ROBO2: variants seen among roughly 807,000 people sequenced by gnomAD.
ROBO2 encodes the protein roundabout guidance receptor 2.
In ROBO2, 53 loss-of-function variants were observed where a neutral mutation model predicts 160.8. The ratio of observed to expected loss-of-function variants is 0.33; its 90% CI spans 0.26 to 0.41. The LOEUF (loss-of-function observed/expected upper bound fraction) is 0.41. ROBO2 is among the 10% of genes least tolerant of loss of function. The probability of loss-of-function intolerance (pLI) is 1.00; values close to 1 mark genes in which losing one functional copy is unlikely to be tolerated. For synonymous variants in ROBO2, 664 were observed against 611.7 expected (o/e 1.09, Z -1.26); for missense variants, 1,577 against 1,722.4 (o/e 0.92, Z 1.49).
At chr3:76,706,935 C>G (rs1015962668) in intron 2 of ROBO2, among the ~76,000 whole-genome samples, 1 of 151,932 alleles carries the variant, frequency 6.6e-6, no homozygotes, top group Non-Finnish European at 1.5e-5. Context: ...GAACAGATGT[C>G]TATGGGAGAA....
intron 2 of ROBO2, among the ~76,000 whole-genome samples, chr3:76,012,046 G>T (rs1033588926): frequency 1.3e-5 from 2 of 152,136 alleles, no homozygotes; most frequent in Admixed American, 1.3e-4. Flanking sequence ...CTAATTAGTA[G>T]CAATACAAAC....
intron 2 of ROBO2, among the ~76,000 whole-genome samples, chr3:77,442,327 A>AG (rs1218098887): frequency 6.6e-6 from 1 of 152,066 alleles, no homozygotes; most frequent in African/African-American, 2.4e-5. Context: ...AGAAAAAAAA[A>AG]AAAATTACAT....
intron 2 of ROBO2, among the ~76,000 whole-genome samples, chr3:76,250,284 TA>T (rs1705908150): frequency 6.6e-6 from 1 of 152,104 alleles, no homozygotes; most frequent in African/African-American, 2.4e-5. Flanking sequence ...AATAATAGTT[TA>T]CTGAGATTAC....
At chr3:77,051,017 CAAAA>C (rs5850308) in intron 1 of ROBO2, among the ~76,000 whole-genome samples, 1 of 133,260 alleles carries the variant, frequency 7.5e-6, no homozygotes. Context: ...GACCCTGTCT[CAAAA>C]AAAAAAAAAA....
At chr3:76,785,734 C>CCACT (rs1261311687) in intron 2 of ROBO2, among the ~76,000 whole-genome samples, 1 of 151,216 alleles carries the variant, frequency 6.6e-6, no homozygotes, top group Non-Finnish European at 1.5e-5. Flanking sequence ...CTCCCCCTTG[C>CCACT]CACTGCCAGA....
At chr3:77,578,171 A>G (rs2093818419) in intron 15 of ROBO2, among the ~76,000 whole-genome samples, 1 of 152,018 alleles carries the variant, frequency 6.6e-6, no homozygotes, top group Non-Finnish European at 1.5e-5. Context: ...TGATTGTCTC[A>G]TTTTTCAACT....
chr3:75,980,232 A>C (rs2065239188), intron 2 of ROBO2, among the ~76,000 whole-genome samples: 1 of 151,588 alleles, frequency 6.6e-6, no homozygotes, highest in African/African-American at 2.4e-5. Context: ...TATAAACTTT[A>C]GAGTATGTGG....
At chr3:77,209,851 C>T (rs1200967165) in intron 2 of ROBO2, among the ~76,000 whole-genome samples, 1 of 152,090 alleles carries the variant, frequency 6.6e-6, no homozygotes, top group Non-Finnish European at 1.5e-5. Context: ...CTCAGAAATA[C>T]TTACTTATTG....
chr3:77,148,904 A>T (rs934167650), intron 2 of ROBO2, among the ~76,000 whole-genome samples: 4 of 152,228 alleles, frequency 2.6e-5, no homozygotes, highest in Non-Finnish European at 4.4e-5. Context: ...GAGATTTTTA[A>T]AAGAATGTTT....
chr3:77,004,496 G>T (rs567867478), intron 2 of ROBO2, among the ~76,000 whole-genome samples: 1 of 152,132 alleles, frequency 6.6e-6, no homozygotes, highest in South Asian at 2.1e-4. Context: ...AACCCTGTTA[G>T]GTCAGTCACT....
chr3:75,951,773 A>T lies in ROBO2; in HGVS notation c.109+14171A>T, dbSNP rs1948545369. Among the ~76,000 whole-genome samples, 3 of 152,032 alleles carry T rather than the reference A, an allele frequency of 2.0e-5. No individual in the cohort carries two copies. In the South Asian group the frequency reaches 6.2e-4, roughly 31 times the overall value. On this transcript the variant is annotated intron_variant, in intron 2 of 26. Transcript: ENST00000487694. ...ATGTGTGGTGGAAAAAAAAATCCAG[A>T]AAGTTTTCCTTTCCATTTGAACATT...
chr3:76,664,437 T>TC (rs2091944702), intron 2 of ROBO2, among the ~76,000 whole-genome samples: 1 of 152,110 alleles, frequency 6.6e-6, no homozygotes, highest in African/African-American at 2.4e-5. Flanking sequence ...GAAGGAAGTA[T>TC]ACCAAGATCA....
chr3:76,341,000 TTC>T (rs1241993995), intron 2 of ROBO2, among the ~76,000 whole-genome samples: 6 of 152,158 alleles, frequency 3.9e-5, no homozygotes, highest in African/African-American at 1.4e-4. Context: ...TGTAGGAGTG[TTC>T]TGTCTCCTTA....
At chr3:76,912,897 A>G (rs2076077808) in intron 2 of ROBO2, among the ~76,000 whole-genome samples, 1 of 152,132 alleles carries the variant, frequency 6.6e-6, no homozygotes. Context: ...AAAGAAGTAC[A>G]ATGATCCAAT....
chr3:77,145,349 C>CA (rs557340410), intron 2 of ROBO2, among the ~76,000 whole-genome samples: 85 of 152,048 alleles, frequency 5.6e-4, no homozygotes, highest in African/African-American at 1.9e-3. Flanking sequence ...TTATGGTTAA[C>CA]AAAAAAATGT....
intron 2 of ROBO2, among the ~76,000 whole-genome samples, chr3:76,357,148 A>T (rs2108345419): frequency 6.6e-6 from 1 of 152,070 alleles, no homozygotes; most frequent in Admixed American, 6.6e-5. Flanking sequence ...ACCATGGAAT[A>T]CTACACAGCT....
Position 76,099,679 on chromosome 3 carries a change from G to A in ROBO2, c.109+162077G>A, listed in dbSNP as rs1338055922. Among the ~76,000 whole-genome samples the A allele has an allele frequency of 2.6e-5, 4 of 151,950 alleles. No individual in the cohort carries two copies. In the East Asian group the frequency reaches 7.7e-4, roughly 29 times the overall value. ...TGTGCCAAAAAAGTACATTTTAATT[G>A]TTAAAAATCTGCAAAATTTCTGATT... On this transcript the variant is annotated intron_variant, in intron 2 of 26. Coordinates refer to the ROBO2 transcript ENST00000487694.
intron 2 of ROBO2, among the ~76,000 whole-genome samples, chr3:76,140,735 T>C (rs575431767): frequency 1.9e-4 from 29 of 151,914 alleles, no homozygotes; most frequent in Admixed American, 3.9e-4. Flanking sequence ...CTTTGATTTG[T>C]GAATTCCCAA....
At chr3:76,580,185 G>C (rs758778079) in intron 2 of ROBO2, among the ~76,000 whole-genome samples, 1 of 151,988 alleles carries the variant, frequency 6.6e-6, no homozygotes, top group African/African-American at 2.4e-5. Flanking sequence ...TGAGTACTGA[G>C]TATAGGTTTA....
Sources: gnomAD v4.1 joint callset for allele counts (sites outside exome capture counted in the v4.1 genomes callset) on GRCh38, gnomAD v4.1.1 for gene constraint, MANE v1.5 for transcripts, NCBI Gene and HGNC (gene_info 2026-07-23, HGNC 2026-07-21) for gene names.